The following TNPO1 variants were observed in gnomAD, a reference collection of about 807,000 sequenced individuals.
TNPO1 encodes transportin 1.
Under a neutral mutation model 119.5 loss-of-function variants are expected in TNPO1, and 8 were observed. The observed-to-expected ratio is 0.07, with a 90% CI of 0.04 to 0.12. TNPO1 has a LOEUF of 0.12. Among genes scored for constraint, TNPO1 ranks in the 10% least tolerant of loss-of-function variants. TNPO1 has a pLI of 1.00. For synonymous variants in TNPO1, 362 were observed against 363.0 expected (o/e 1.00, Z 0.03); for missense variants, 576 against 1,089.8 (o/e 0.53, Z 6.64).
chr5:72,842,438 G>T (rs1452514433), intron 1 of TNPO1, among the ~76,000 whole-genome samples: 2 of 152,196 alleles, frequency 1.3e-5, no homozygotes, highest in African/African-American at 4.8e-5. Context: ...AATTAATAGA[G>T]CAGCATCATA....
At chr5:72,892,045 T>TTATCAATTATCA (rs1749097572) in intron 15 of TNPO1, 149 bp downstream of exon 15, 2 of 593,026 alleles carry the variant, frequency 3.4e-6, no homozygotes, top group Non-Finnish European at 5.8e-6. Flanking sequence ...TAACCTGCTT[T>TTATCAATTATCA]ACTTAATTGA....
In TNPO1 at chr5:72,897,060, A is replaced by G. The variant is rs772921669; in HGVS notation, c.2247A>G (p.Ile749Met). The stretch of plus-strand genomic sequence containing the variant: ...TCTTTTTGGGATGATCTCTAGGTAT[A>G]GAGATGCAGCCTTATATTCCTATGG... ...AIGEISIQMG[I>M]EMQPYIPMVL... Residue 749 changes from isoleucine to methionine, a missense_variant, in exon 20 of 25, where the codon ATA (isoleucine) becomes ATG (methionine). Coordinates refer to ENST00000337273, the MANE Select transcript of TNPO1 (RefSeq NM_002270.4). 23 of 1,588,618 alleles carry G rather than the reference A, an allele frequency of 1.4e-5. No homozygotes were observed. Among genetic ancestry groups the G allele is most frequent in the Non-Finnish European group, 2.0e-5 (23 of 1,171,128 alleles).
chr5:72,900,002 T>G lies in TNPO1; in HGVS notation c.2339-4T>G. The G allele has an allele frequency of 6.2e-7, 1 of 1,613,864 alleles. No homozygotes were observed. Among genetic ancestry groups the G allele is most frequent in the Non-Finnish European group, 8.5e-7 (1 of 1,179,792 alleles). On this transcript the variant is annotated splice_polypyrimidine_tract_variant and splice_region_variant and intron_variant, in intron 20 of 24. Coordinates refer to ENST00000337273, the MANE Select transcript of TNPO1 (RefSeq NM_002270.4). ...GGTGTATAACCGTGATTGCGTTACC[T>G]TAGCAATAACAATTGGTCGTCTTGG...
chr5:72,870,430 G>A (rs994718391), intron 6 of TNPO1, among the ~76,000 whole-genome samples: 2 of 152,104 alleles, frequency 1.3e-5, no homozygotes, highest in African/African-American at 2.4e-5. Flanking sequence ...CCAGAGTGCT[G>A]GGATTACAGG....
At chr5:72,840,423 A>G (rs1744857107) in intron 1 of TNPO1, among the ~76,000 whole-genome samples, 1 of 152,204 alleles carries the variant, frequency 6.6e-6, no homozygotes, top group Non-Finnish European at 1.5e-5. Flanking sequence ...GGAAGGACCC[A>G]TTAATGATAA....
intron 1 of TNPO1, among the ~76,000 whole-genome samples, chr5:72,827,420 G>A (rs1022711354): frequency 7.2e-5 from 11 of 152,116 alleles, no homozygotes; most frequent in African/African-American, 2.7e-4. Context: ...TCAGACAATG[G>A]GTTATAAGGG....
intron 1 of TNPO1, among the ~76,000 whole-genome samples, chr5:72,839,755 ATTAAT>A: frequency 6.6e-6 from 1 of 152,290 alleles, no homozygotes; most frequent in East Asian, 1.9e-4. Flanking sequence ...GAGCAGATAT[ATTAAT>A]TTAATATAAT....
intron 11 of TNPO1, among the ~76,000 whole-genome samples, chr5:72,886,054 C>A (rs930556513): frequency 2.0e-5 from 3 of 151,944 alleles, no homozygotes; most frequent in African/African-American, 7.3e-5. Flanking sequence ...AAGACCTAAT[C>A]ATCTCTTGAT....
chr5:72,849,753 T>G (rs1745407970), intron 2 of TNPO1, among the ~76,000 whole-genome samples: 1 of 152,240 alleles, frequency 6.6e-6, no homozygotes, highest in South Asian at 2.1e-4. Flanking sequence ...TGGAATGTAT[T>G]GCCGTTTGTA....
At chr5:72,897,617 G>A (rs978769781) in intron 20 of TNPO1, among the ~76,000 whole-genome samples, 2 of 149,946 alleles carry the variant, frequency 1.3e-5, no homozygotes, top group African/African-American at 4.9e-5. Flanking sequence ...TATGTTATGG[G>A]ATTTTTTTTT....
At chr5:72,908,440 C>G (rs1318960773) in intron 24 of TNPO1, among the ~76,000 whole-genome samples, 1 of 152,190 alleles carries the variant, frequency 6.6e-6, no homozygotes, top group Non-Finnish European at 1.5e-5. Flanking sequence ...GCATATTTCA[C>G]TATACAAAGT....
chr5:72,829,518 A>T (rs1216603486), intron 1 of TNPO1, among the ~76,000 whole-genome samples: 2 of 152,264 alleles, frequency 1.3e-5, no homozygotes, highest in East Asian at 3.8e-4. Context: ...ACCGTTGAAC[A>T]ATCGAGTTGA....
chr5:72,883,392 CTA>C (rs1044632471), intron 11 of TNPO1, among the ~76,000 whole-genome samples, 160 bp downstream of exon 11: 14 of 152,166 alleles, frequency 9.2e-5, no homozygotes, highest in Admixed American at 6.5e-4. Flanking sequence ...CAGTTGTAGA[CTA>C]TGTTTTCATC....
intron 1 of TNPO1, among the ~76,000 whole-genome samples, chr5:72,820,215 T>G (rs1033959088): frequency 1.3e-5 from 2 of 152,160 alleles, no homozygotes; most frequent in Admixed American, 6.5e-5. Context: ...CAGTTTCTAA[T>G]TTTTTTGCAG....
intron 11 of TNPO1, among the ~76,000 whole-genome samples, chr5:72,883,727 CTTTT>C (rs1325952808): frequency 1.3e-5 from 2 of 151,752 alleles, no homozygotes; most frequent in South Asian, 2.1e-4. Flanking sequence ...TGTGTGTAGA[CTTTT>C]TTTGTTTGTT....
In TNPO1 at chr5:72,912,900, A is replaced by G. The variant is rs1219915135; in HGVS notation, c.*4227A>G. 2.0e-5 allele frequency: 3 copies of G among 152,482 alleles called. No homozygotes were observed. Among genetic ancestry groups the G allele is most frequent in the Non-Finnish European group, 4.4e-5 (3 of 67,910 alleles). 9.4% of individuals were successfully genotyped at this position (152,482 alleles called of 1,614,324 possible). ...ATTCTTCCCAGGGGAAGAGTGTATC[A>G]TGCATAACTGCAATTTAAGTCCTTC... On this transcript the variant is annotated 3_prime_UTR_variant, in exon 25 of 25. Transcript: ENST00000337273.
Position 72,887,233 on chromosome 5 carries a change from G to A in TNPO1, c.1303+11G>A. The A allele has an allele frequency of 8.5e-7, 1 of 1,183,142 alleles. No homozygotes were observed. Among genetic ancestry groups the A allele is most frequent in the African/African-American group, 1.7e-5 (1 of 57,622 alleles). The allele number at this position is 1,183,142 out of a possible 1,614,324, so 73.3% of individuals were successfully genotyped here. On this transcript the variant is annotated intron_variant, in intron 12 of 24. Coordinates refer to ENST00000337273, the MANE Select transcript of TNPO1 (RefSeq NM_002270.4). ...GAGCAATTGCTGAAGGTAAGCCTAAGTCCAGTTTGAATTATGTAAGTTGGC... is the reference window on the plus strand; with the variant it reads ...GAGCAATTGCTGAAGGTAAGCCTAAATCCAGTTTGAATTATGTAAGTTGGC...
chr5:72,832,407 A>G (rs940410232), intron 1 of TNPO1, among the ~76,000 whole-genome samples: 1 of 152,092 alleles, frequency 6.6e-6, no homozygotes, highest in Admixed American at 6.6e-5. Context: ...TTCGTTCTAT[A>G]TTAGCTTCCC....
rs1745538885 is a variant in TNPO1 at position 72,851,399 on chromosome 5, G to A, written c.205+80G>A. The stretch of plus-strand genomic sequence containing the variant: ...TGTACTGAGAATTATTCATTTCAAA[G>A]GATTTCATTTTGTAGTAACCTTGTG... On this transcript the variant is annotated intron_variant, in intron 3 of 24. Coordinates refer to ENST00000337273, the MANE Select transcript of TNPO1 (RefSeq NM_002270.4). 14 of 867,244 alleles carry A rather than the reference G, an allele frequency of 1.6e-5. No individual in the cohort carries two copies. In the South Asian group the frequency reaches 2.2e-4, roughly 14 times the overall value. 53.7% of individuals were successfully genotyped at this position (867,244 alleles called of 1,614,324 possible). A position where few individuals can be genotyped will look rare whatever the true frequency, so the allele number is the denominator to read the frequency against.
Sources: gnomAD v4.1 joint callset for allele counts (sites outside exome capture counted in the v4.1 genomes callset) on GRCh38, gnomAD v4.1.1 for gene constraint, MANE v1.5 for transcripts, NCBI Gene and HGNC (gene_info 2026-07-23, HGNC 2026-07-21) for gene names.